SGCZ: variants seen among roughly 807,000 people sequenced by gnomAD.
SGCZ encodes the protein sarcoglycan zeta.
SGCZ carries 40 observed loss-of-function variants against 41.3 expected under a neutral mutation model. That is an observed-to-expected ratio of 0.97 (90% CI 0.75 to 1.26). The LOEUF is 1.26. SGCZ is among the 50% of genes most tolerant of loss of function. The pLI is 0.00. For missense variants in SGCZ, 552 were observed against 369.8 expected (o/e 1.49, Z -4.04); for synonymous variants, 206 against 137.5 (o/e 1.50, Z -3.49).
At chr8:14,387,309 C>T (rs1804610067) in intron 2 of SGCZ, among the ~76,000 whole-genome samples, 1 of 152,170 alleles carries the variant, frequency 6.6e-6, no homozygotes, top group South Asian at 2.1e-4. Flanking sequence ...ATCCTGGTCT[C>T]CCAAAGCACT....
chr8:14,335,987 GGTTT>G (rs1802492876), intron 2 of SGCZ, among the ~76,000 whole-genome samples: 1 of 151,888 alleles, frequency 6.6e-6, no homozygotes, highest in African/African-American at 2.4e-5. Context: ...ATGTCATAGG[GGTTT>G]GTTATACAGA....
intron 2 of SGCZ, among the ~76,000 whole-genome samples, chr8:14,549,339 C>A (rs755759132): frequency 6.6e-6 from 1 of 151,938 alleles, no homozygotes; most frequent in African/African-American, 2.4e-5. Context: ...AAGCTAGCCA[C>A]CCTAGATGAA....
At chr8:14,579,710 A>G (rs1450650306) in intron 1 of SGCZ, among the ~76,000 whole-genome samples, 2 of 152,208 alleles carry the variant, frequency 1.3e-5, no homozygotes, top group African/African-American at 4.8e-5. Flanking sequence ...GATTCTGGAC[A>G]AAGAAAATTA....
rs989807812 is a variant in SGCZ, at chr8:14,872,515, T to C, written c.40-317589A>G. Among the ~76,000 whole-genome samples the C allele has an allele frequency of 3.9e-5, 6 of 152,100 alleles. No homozygotes were observed. In the East Asian group the frequency reaches 1.2e-3, roughly 29 times the overall value. ...ACAATGGTAATAGAATCAGCATCTTTTATGAGAGCTGAAAAGTTGGCCTTG... is the reference window on the plus strand; with the variant it reads ...ACAATGGTAATAGAATCAGCATCTTCTATGAGAGCTGAAAAGTTGGCCTTG... On this transcript the variant is annotated intron_variant, in intron 1 of 7. Transcript: ENST00000382080.
At chr8:15,020,216 T>C (rs1267262593) in intron 1 of SGCZ, among the ~76,000 whole-genome samples, 1 of 152,088 alleles carries the variant, frequency 6.6e-6, no homozygotes. Flanking sequence ...TTCTTATAGA[T>C]CAGTCATCAG....
intron 1 of SGCZ, among the ~76,000 whole-genome samples, chr8:15,121,961 T>C (rs528100931): frequency 6.7e-6 from 1 of 149,056 alleles, no homozygotes; most frequent in Admixed American, 6.7e-5. Flanking sequence ...CCAGATAGTA[T>C]GGAAGCGAAA....
chr8:14,851,098 A>ATG (rs1803302971), intron 1 of SGCZ, among the ~76,000 whole-genome samples: 1 of 152,136 alleles, frequency 6.6e-6, no homozygotes. Context: ...GGCTGGGCGC[A>ATG]GTGGCTCACA....
At chr8:14,300,335 C>T (rs138454357) in intron 3 of SGCZ, among the ~76,000 whole-genome samples, 7 of 149,234 alleles carry the variant, frequency 4.7e-5, no homozygotes, top group East Asian at 2.0e-4. Flanking sequence ...GAGAGAGACA[C>T]GGAGGAAGAA....
At chr8:14,912,421 T>C (rs960186626) in intron 1 of SGCZ, among the ~76,000 whole-genome samples, 18 of 152,150 alleles carry the variant, frequency 1.2e-4, no homozygotes, top group Non-Finnish European at 2.4e-4. Flanking sequence ...AGCATAGAAA[T>C]GATTAAATAT....
intron 1 of SGCZ, among the ~76,000 whole-genome samples, chr8:14,913,500 C>A: frequency 6.6e-6 from 1 of 152,012 alleles, no homozygotes; most frequent in East Asian, 1.9e-4. Flanking sequence ...TATCTTTGTT[C>A]ATAATAAACT....
At chr8:14,911,025 G>C (rs972995957) in intron 1 of SGCZ, among the ~76,000 whole-genome samples, 2 of 151,896 alleles carry the variant, frequency 1.3e-5, no homozygotes, top group South Asian at 2.1e-4. Flanking sequence ...CTTACTTTGA[G>C]TATAATGTCA....
intron 5 of SGCZ, among the ~76,000 whole-genome samples, chr8:14,161,895 A>G (rs2116978189): frequency 6.6e-6 from 1 of 152,314 alleles, no homozygotes; most frequent in Middle Eastern, 3.4e-3. Context: ...TCACACACAC[A>G]TAGACACATT....
At position 14,545,088 on chromosome 8, in the gene SGCZ, ACTGTCT is replaced by A. The variant is rs574527155; in HGVS notation, c.234+9638_234+9643del. 2.8e-3 allele frequency among the ~76,000 whole-genome samples: 430 copies of A among 152,172 alleles called. 2 individuals are homozygous for A. The highest frequency in any genetic ancestry group is 9.9e-3 in the African/African-American group (409 of 41,516). On this transcript the variant is annotated intron_variant, in intron 2 of 7. Coordinates refer to ENST00000382080, the MANE Select transcript of SGCZ (RefSeq NM_139167.4). The stretch of plus-strand genomic sequence containing the variant: ...CCAGCTGTAAAATTCCTCTCTTTGT[ACTGTCT>A]CTCTTTATTTCTCAGCCGGCTGACA...
intron 2 of SGCZ, among the ~76,000 whole-genome samples, chr8:14,400,455 A>G (rs535927035): frequency 6.6e-6 from 1 of 152,266 alleles, no homozygotes; most frequent in South Asian, 2.1e-4. Context: ...GCATGTATGT[A>G]TAATTTTTTG....
intron 1 of SGCZ, among the ~76,000 whole-genome samples, chr8:15,020,923 A>G (rs1182333630): frequency 6.6e-6 from 1 of 152,226 alleles, no homozygotes; most frequent in Admixed American, 6.5e-5. Context: ...TGGTTATTTT[A>G]GTGGATTAGG....
chr8:14,508,400 C>G (rs914810187), intron 2 of SGCZ, among the ~76,000 whole-genome samples: 2 of 152,110 alleles, frequency 1.3e-5, no homozygotes, highest in African/African-American at 4.8e-5. Flanking sequence ...TTAATGCTGT[C>G]ATTTTAACAG....
chr8:14,500,796 G>T (rs1254004725), intron 2 of SGCZ, among the ~76,000 whole-genome samples: 1 of 151,874 alleles, frequency 6.6e-6, no homozygotes, highest in Non-Finnish European at 1.5e-5. Flanking sequence ...GGAAATTGTG[G>T]TATCTATATC....
intron 1 of SGCZ, among the ~76,000 whole-genome samples, chr8:14,702,299 C>G (rs982232860): frequency 6.6e-6 from 1 of 151,864 alleles, no homozygotes; most frequent in African/African-American, 2.4e-5. Flanking sequence ...TTTTCCTTTA[C>G]TGACACTTTT....
intron 2 of SGCZ, among the ~76,000 whole-genome samples, chr8:14,395,922 C>G (rs1314641522): frequency 1.3e-5 from 2 of 152,154 alleles, no homozygotes; most frequent in African/African-American, 4.8e-5. Context: ...GCCTTTGTAG[C>G]AGAGGACAAT....
Sources: gnomAD v4.1 joint callset for allele counts (sites outside exome capture counted in the v4.1 genomes callset) on GRCh38, gnomAD v4.1.1 for gene constraint, MANE v1.5 for transcripts, NCBI Gene and HGNC (gene_info 2026-07-23, HGNC 2026-07-21) for gene names.